ELP4: variants seen among roughly 807,000 people sequenced by gnomAD.
The protein encoded by ELP4 is elongator acetyltransferase complex subunit 4.
A neutral mutation model predicts 48.9 loss-of-function variants in ELP4; 51 were observed. That is an observed-to-expected ratio of 1.04 (90% confidence interval 0.83 to 1.32). The LOEUF (loss-of-function observed/expected upper bound fraction) is 1.32. Ranked by LOEUF, ELP4 falls within the 40% of genes most tolerant of loss-of-function variation. The pLI is 0.00. For missense variants in ELP4, 519 were observed against 514.6 expected (o/e 1.01, Z -0.08); for synonymous variants, 210 against 189.2 (o/e 1.11, Z -0.90).
rs531111448 is a variant in ELP4 at position 31,710,145 on chromosome 11, A to G, written c.1143+59924A>G. Among the ~76,000 whole-genome samples, 11 of 152,338 alleles carry G rather than the reference A, an allele frequency of 7.2e-5. No individual in the cohort carries two copies. The East Asian group carries it at 1.7e-3, about 24-fold the overall frequency. ...GTGCCTGAAAAAGAGTAGACACTCA[A>G]TAAATATTTGTTGAATACGTGAATT... On this transcript the variant is annotated intron_variant, in intron 9 of 9. Coordinates refer to ENST00000640961, the MANE Select transcript of ELP4 (RefSeq NM_019040.5).
chr11:31,539,578 A>C, intron 2 of ELP4, 84 bp from the exon 3 acceptor site: 4 of 1,379,364 alleles, frequency 2.9e-6, no homozygotes, highest in Non-Finnish European at 2.9e-6. Flanking sequence ...AAAATATAAA[A>C]ACATATGAGT....
At position 31,636,096 on chromosome 11, in the gene ELP4, T is replaced by C. The variant is rs150833163; in HGVS notation, c.927+3691T>C. ...GTGGGTAAGTTAGCTTATACACTTA[T>C]TTAACAAATAATGCAGGCACTGTTC... is the stretch of plus-strand genomic sequence containing the variant. On this transcript the variant is annotated intron_variant, in intron 7 of 9. Coordinates refer to ENST00000640961, the MANE Select transcript of ELP4 (RefSeq NM_019040.5). 1.4e-3 allele frequency among the ~76,000 whole-genome samples: 216 copies of C among 152,170 alleles called. 1 individual carries two copies. Among genetic ancestry groups the C allele is most frequent in the African/African-American group, 4.7e-3 (197 of 41,558 alleles).
chr11:31,615,815 A>G (rs565284063), intron 5 of ELP4, among the ~76,000 whole-genome samples: 1 of 151,934 alleles, frequency 6.6e-6, no homozygotes, highest in Non-Finnish European at 1.5e-5. Flanking sequence ...CCATCCCTTC[A>G]TACCTCTTTA....
At chr11:31,770,993 T>G (rs1309686712) in intron 9 of ELP4, among the ~76,000 whole-genome samples, 1 of 152,096 alleles carries the variant, frequency 6.6e-6, no homozygotes, top group Non-Finnish European at 1.5e-5. Context: ...AAAGGAACAT[T>G]GGGATTGAAA....
chr11:31,676,645 C>G (rs1249182953), intron 9 of ELP4, among the ~76,000 whole-genome samples: 1 of 152,094 alleles, frequency 6.6e-6, no homozygotes, highest in Non-Finnish European at 1.5e-5. Flanking sequence ...TGAAATAATA[C>G]CATTTATTGC....
At chr11:31,721,968 G>A (rs112893472) in intron 9 of ELP4, among the ~76,000 whole-genome samples, 2,609 of 152,066 alleles carry the variant, frequency 0.017, 42 homozygotes, top group South Asian at 0.07. Flanking sequence ...TGCCTTCCTC[G>A]CTTTTATTAT....
chr11:31,577,598 G>A (rs900757804), intron 3 of ELP4, among the ~76,000 whole-genome samples: 5 of 151,934 alleles, frequency 3.3e-5, no homozygotes, highest in African/African-American at 7.3e-5. Flanking sequence ...TATACACCAC[G>A]ATCAAGTTGT....
At chr11:31,562,867 A>T (rs1284151141) in intron 3 of ELP4, among the ~76,000 whole-genome samples, 1 of 152,098 alleles carries the variant, frequency 6.6e-6, no homozygotes, top group African/African-American at 2.4e-5. Flanking sequence ...AAACAGCCAA[A>T]GTCACCCCTC....
At chr11:31,581,823 G>A (rs1592136519) in intron 3 of ELP4, among the ~76,000 whole-genome samples, 1 of 150,824 alleles carries the variant, frequency 6.6e-6, no homozygotes, top group South Asian at 2.1e-4. Context: ...GTGTGATCAT[G>A]GCTTACTACA....
chr11:31,510,073 G>C (rs531450746), intron 1 of ELP4, 66 bp downstream of exon 1: 2 of 1,482,826 alleles, frequency 1.3e-6, no homozygotes, highest in East Asian at 4.7e-5. Context: ...TGTCGGGGAA[G>C]CCACTTTGAC....
chr11:31,764,383 G>A (rs1195246113), intron 9 of ELP4, among the ~76,000 whole-genome samples: 1 of 152,108 alleles, frequency 6.6e-6, no homozygotes, highest in Non-Finnish European at 1.5e-5. Flanking sequence ...TAAGGAATAG[G>A]CCATTCATAA....
At chr11:31,670,541 T>G (rs1263206422) in intron 9 of ELP4, among the ~76,000 whole-genome samples, 1 of 152,142 alleles carries the variant, frequency 6.6e-6, no homozygotes, top group Non-Finnish European at 1.5e-5. Flanking sequence ...AACCTCATTG[T>G]TTTCCAAGTA....
chr11:31,636,097 T>C (rs537343807), intron 7 of ELP4, among the ~76,000 whole-genome samples: 5 of 152,142 alleles, frequency 3.3e-5, no homozygotes, highest in South Asian at 4.1e-4. Context: ...ATACACTTAT[T>C]TAACAAATAA....
intron 9 of ELP4, among the ~76,000 whole-genome samples, chr11:31,727,370 A>G (rs1202095048): frequency 2.0e-5 from 3 of 152,070 alleles, no homozygotes; most frequent in Non-Finnish European, 4.4e-5. Flanking sequence ...TTTATGGGAG[A>G]AGGAGGACTT....
chr11:31,560,598 A>C (rs1370687442), intron 3 of ELP4, among the ~76,000 whole-genome samples: 1 of 151,256 alleles, frequency 6.6e-6, no homozygotes, highest in Non-Finnish European at 1.5e-5. Context: ...AAACCTGCAA[A>C]TACCAGTGAT....
At chr11:31,715,077 G>A (rs941114674) in intron 9 of ELP4, 7 of 332,394 alleles carry the variant, frequency 2.1e-5, no homozygotes, top group Non-Finnish European at 2.2e-5. Flanking sequence ...TCATAGAGAC[G>A]GAAGAACCAC....
At chr11:31,586,047 T>A (rs1957466951) in intron 3 of ELP4, among the ~76,000 whole-genome samples, 1 of 152,168 alleles carries the variant, frequency 6.6e-6, no homozygotes, top group African/African-American at 2.4e-5. Flanking sequence ...AATGAGAATA[T>A]GATTACAATG....
At chr11:31,759,923 G>A (rs1340797323) in intron 9 of ELP4, among the ~76,000 whole-genome samples, 1 of 151,908 alleles carries the variant, frequency 6.6e-6, no homozygotes, top group Non-Finnish European at 1.5e-5. Flanking sequence ...GGGTAGTCTT[G>A]AACTCCTGAC....
At chr11:31,525,445 C>T (rs1956281696) in intron 2 of ELP4, among the ~76,000 whole-genome samples, 1 of 151,832 alleles carries the variant, frequency 6.6e-6, no homozygotes, top group Non-Finnish European at 1.5e-5. Flanking sequence ...ATATAACATG[C>T]CGATATAAGG....
Sources: allele counts gnomAD v4.1 joint callset (sites outside exome capture counted in the v4.1 genomes callset), GRCh38; gene constraint gnomAD v4.1.1; transcripts MANE v1.5; gene names NCBI Gene and HGNC (gene_info 2026-07-23, HGNC 2026-07-21).